The following ALOX12 variants were observed in gnomAD, a reference collection of about 807,000 sequenced individuals.
ALOX12 encodes arachidonate 12-lipoxygenase, 12S type.
A neutral mutation model predicts 85.5 loss-of-function variants in ALOX12; 62 were observed. That is an observed-to-expected ratio of 0.73 (90% confidence interval 0.59 to 0.90). ALOX12 has a LOEUF of 0.90. Among genes scored for constraint, ALOX12 ranks in the 40% least tolerant of loss-of-function variants. The probability of loss-of-function intolerance (pLI) is 0.00; values close to 1 mark genes in which losing one functional copy is unlikely to be tolerated. For synonymous variants in ALOX12, 299 were observed against 332.7 expected (o/e 0.90, Z 1.10); for missense variants, 751 against 856.5 (o/e 0.88, Z 1.54).
chr17:7,005,474 CTTTTTTTTTTTTTTT>C, intron 9 of ALOX12, 131 bp downstream of exon 9: 1 of 221,964 alleles, frequency 4.5e-6, no homozygotes, highest in Non-Finnish European at 8.1e-6. Flanking sequence ...ATACCCATGT[CTTTTTTTTTTTTTTT>C]TTTTTTTTTG....
intron 2 of ALOX12, among the ~76,000 whole-genome samples, 160 bp from the exon 3 acceptor site, chr17:6,998,349 A>C (rs1255938832): frequency 6.6e-6 from 1 of 152,202 alleles, no homozygotes; most frequent in Non-Finnish European, 1.5e-5. Flanking sequence ...AAGATGGGAT[A>C]AACGTGTCTG....
intron 6 of ALOX12, among the ~76,000 whole-genome samples, chr17:6,999,760 G>A (rs1160342330): frequency 6.6e-6 from 1 of 152,186 alleles, no homozygotes; most frequent in Non-Finnish European, 1.5e-5. Flanking sequence ...TCATGGGCAG[G>A]GAGAAAAGTG....
Position 7,006,657 on chromosome 17 carries a change from G to A in ALOX12, c.1540+50G>A, listed in dbSNP as rs201888855. The A allele has an allele frequency of 2.0e-5, 31 of 1,521,666 alleles. No individual in the cohort carries two copies. The East Asian group carries it at 4.6e-4, about 23-fold the overall frequency. The allele number at this position is 1,521,666 out of a possible 1,614,324, so 94.3% of individuals were successfully genotyped here. On this transcript the variant is annotated intron_variant, in intron 11 of 13. Transcript: ENST00000251535. ...GAAGCTCCTGGGAGACTCTGCCAGG[G>A]CGCCTTCCCAGCCCTGCCCTTCTGG...
intron 11 of ALOX12, among the ~76,000 whole-genome samples, chr17:7,009,062 GTT>G (rs1177619889): frequency 2.2e-5 from 3 of 134,594 alleles, no homozygotes; most frequent in Non-Finnish European, 3.2e-5. Flanking sequence ...CCCTCAATTG[GTT>G]TTTTTTTTTT....
chr17:6,998,730 G>A lies in ALOX12; in HGVS notation c.435G>A (p.Lys145=), dbSNP rs1251922078. The change falls in exon 4 of 14, where the codon AAG becomes AAA. Residue 145 remains lysine (K), a synonymous_variant. Coordinates refer to ENST00000251535, the MANE Select transcript of ALOX12 (RefSeq NM_000697.3). ...CAACTCCTAGCTGGGCCACCTGGAA[G>A]GAAGGGTTACCCCTGACCATCGCTG... ...RQQIYCWATW[K]EGLPLTIAAD... 2 of 1,613,706 alleles carry A rather than the reference G, an allele frequency of 1.2e-6. No individual in the cohort carries two copies. The highest frequency in any genetic ancestry group is 4.5e-5 in the East Asian group (2 of 44,840).
At chr17:7,005,218 G>A (rs1464660503) in intron 8 of ALOX12, 39 bp from the exon 9 acceptor site, 1 of 1,573,222 alleles carries the variant, frequency 6.4e-7, no homozygotes, top group Admixed American at 1.7e-5. Context: ...CCCAAGCATG[G>A]CCTCCACCAG....
intron 2 of ALOX12, among the ~76,000 whole-genome samples, chr17:6,997,443 CAT>C (rs1022780312): frequency 5.3e-5 from 8 of 151,882 alleles, no homozygotes; most frequent in Admixed American, 5.3e-4. Flanking sequence ...GGGAAGAAAA[CAT>C]AGGATGCTGG....
chr17:7,000,247 G>A lies in ALOX12; in HGVS notation c.808-89G>A. On this transcript the variant is annotated intron_variant, in intron 6 of 13. Transcript: ENST00000251535. This position sits in a 1 kb window ranked among gnomAD's most constrained non-coding sequence, Gnocchi z 4.6. The stretch of plus-strand genomic sequence containing the variant: ...CGGTACTGATGCAGGAGAATGGCAA[G>A]AAGCTAGACTAAATCTCTTGCCCTT... 4.1e-6 allele frequency: 6 copies of A among 1,480,044 alleles called. No homozygotes were observed. Among genetic ancestry groups the A allele is most frequent in the Non-Finnish European group, 5.6e-6 (6 of 1,078,420 alleles). The allele number at this position is 1,480,044 out of a possible 1,614,324, so 91.7% of individuals were successfully genotyped here.
chr17:6,997,830 G>T (rs983112222), intron 2 of ALOX12, among the ~76,000 whole-genome samples: 19 of 152,028 alleles, frequency 1.2e-4, no homozygotes, highest in African/African-American at 4.6e-4. Context: ...AAAGTGCTGG[G>T]ATTACAGGCT....
At chr17:7,008,701 G>T (rs1909213334) in intron 11 of ALOX12, among the ~76,000 whole-genome samples, 1 of 151,396 alleles carries the variant, frequency 6.6e-6, no homozygotes, top group Non-Finnish European at 1.5e-5. Flanking sequence ...AGCCGAGATT[G>T]TGCCACTGCA....
In ALOX12 at chr17:7,010,633, G is replaced by C; in HGVS notation, c.*210G>C. ...TTTTTTACGCTTTGCAGACCGCATAGTCACTGTCTCAACTACTCAGCTCTC... is the reference window on the plus strand; with the variant it reads ...TTTTTTACGCTTTGCAGACCGCATACTCACTGTCTCAACTACTCAGCTCTC... On this transcript the variant is annotated 3_prime_UTR_variant, in exon 14 of 14. Coordinates refer to ENST00000251535, the MANE Select transcript of ALOX12 (RefSeq NM_000697.3). The C allele has an allele frequency of 1.8e-6, 1 of 549,156 alleles. No individual in the cohort carries two copies. The highest frequency in any genetic ancestry group is 3.1e-5 in the South Asian group (1 of 31,914). 34.0% of individuals were successfully genotyped at this position (549,156 alleles called of 1,614,324 possible).
chr17:7,002,922 G>A (rs887131366), intron 8 of ALOX12, among the ~76,000 whole-genome samples: 1 of 152,056 alleles, frequency 6.6e-6, no homozygotes, highest in South Asian at 2.1e-4. Context: ...TATGTCCTGG[G>A]TAAAAACAAC....
chr17:7,002,761 G>A (rs1014776744), intron 8 of ALOX12: 1 of 215,734 alleles, frequency 4.6e-6, no homozygotes, highest in Non-Finnish European at 8.9e-6. Flanking sequence ...TTTATATACA[G>A]GGAACTTGGC....
chr17:7,003,324 A>G (rs1450593110), intron 8 of ALOX12, among the ~76,000 whole-genome samples: 2 of 152,232 alleles, frequency 1.3e-5, no homozygotes, highest in East Asian at 1.9e-4. Flanking sequence ...CCCGGCCTCA[A>G]TAATTTCCAG....
rs1205398973 is a variant in ALOX12, at chr17:7,009,090, CGTT to C, written c.1541-654_1541-652del. Among the ~76,000 whole-genome samples, 6 of 142,894 alleles carry C rather than the reference CGTT, an allele frequency of 4.2e-5. No individual in the cohort carries two copies. The East Asian group carries it at 1.1e-3, about 25-fold the overall frequency. 93.7% of individuals were successfully genotyped at this position (142,894 alleles called of 152,430 possible). ...TTTTTTTTTTTTTGAGACAGACTCT[CGTT>C]GTGTCGCCCAGGCTGGAGTGCAGTG... is the stretch of plus-strand genomic sequence containing the variant. On this transcript the variant is annotated intron_variant, in intron 11 of 13. Coordinates refer to ENST00000251535, the MANE Select transcript of ALOX12 (RefSeq NM_000697.3).
rs11078660 is a variant in ALOX12 at position 7,001,883 on chromosome 17, T to C, written c.1161+72T>C. 2.1e-3 allele frequency: 2,926 copies of C among 1,367,144 alleles called. 51 individuals are homozygous for C. The African/African-American group carries it at 0.037, about 17-fold the overall frequency. The allele number at this position is 1,367,144 out of a possible 1,614,324, so 84.7% of individuals were successfully genotyped here. Reference sequence around the variant, plus strand: ...AGGAACAGCCCCATATCAAAAGATATTGCAGCAGCAAAAACTCTTTGTAGC... The same window carrying C: ...AGGAACAGCCCCATATCAAAAGATACTGCAGCAGCAAAAACTCTTTGTAGC... On this transcript the variant is annotated intron_variant, in intron 8 of 13. Transcript: ENST00000251535.
At position 7,009,998 on chromosome 17, in the gene ALOX12, C is replaced by T. The variant is rs768496365; in HGVS notation, c.1684C>T (p.Arg562Trp). 7.4e-6 allele frequency: 12 copies of T among 1,613,998 alleles called. No homozygotes were observed. Among genetic ancestry groups the T allele is most frequent in the East Asian group, 2.2e-5 (1 of 44,906 alleles). The stretch of plus-strand genomic sequence containing the variant: ...GGTCCCTAATGCTCCATGCACAATG[C>T]GGATGCCCCCACCCACCACCAAGGA... ...AWVPNAPCTM[R>W]MPPPTTKEDV... The change falls in exon 13 of 14, where the codon CGG becomes TGG. Residue 562 changes from arginine to tryptophan, a missense_variant. By Grantham distance (101) the Arg-to-Trp change is moderately radical (BLOSUM62 -3). Coordinates refer to ENST00000251535, the MANE Select transcript of ALOX12 (RefSeq NM_000697.3).
At position 6,998,506 on chromosome 17, in the gene ALOX12, C is replaced by T. The variant is rs1477357354; in HGVS notation, c.338-3C>T. ...GAGGCCAATTGTCTTGATGTCTCCC[C>T]AGCCCGCCTGCCAGGAGACAATGCT... is the stretch of plus-strand genomic sequence containing the variant. On this transcript the variant is annotated splice_polypyrimidine_tract_variant and splice_region_variant and intron_variant, in intron 2 of 13. Transcript: ENST00000251535. The T allele has an allele frequency of 6.2e-7, 1 of 1,609,986 alleles. No individual in the cohort carries two copies. Among genetic ancestry groups the T allele is most frequent in the Non-Finnish European group, 8.5e-7 (1 of 1,176,884 alleles).
In ALOX12 at chr17:6,996,853, G is replaced by C. The variant is rs776082345; in HGVS notation, c.163G>C (p.Glu55Gln). Residue 55 changes from glutamate to glutamine, a missense_variant, in exon 2 of 14, where the codon GAG becomes CAG. By Grantham distance (29) the Glu-to-Gln change is conservative. Transcript: ENST00000251535. Reference protein sequence around the residue: ...EEEEFDHDVAEDLGLLQFVRL... With the variant: ...EEEEFDHDVAQDLGLLQFVRL... ...GGAGGAGTTTGATCATGACGTTGCA[G>C]AGGACTTGGGGCTCCTGCAGTTCGT... The C allele has an allele frequency of 1.9e-6, 3 of 1,613,882 alleles. No homozygotes were observed. Among genetic ancestry groups the C allele is most frequent in the Non-Finnish European group, 2.5e-6 (3 of 1,179,764 alleles).
Sources: gnomAD v4.1 joint callset for allele counts (sites outside exome capture counted in the v4.1 genomes callset) on GRCh38, gnomAD v4.1.1 for gene constraint, Gnocchi (gnomAD v3.1) non-coding constraint, MANE v1.5 for transcripts, NCBI Gene and HGNC (gene_info 2026-07-23, HGNC 2026-07-21) for gene names.